The following DTNA variants were observed in gnomAD, a reference collection of about 807,000 sequenced individuals.
The protein encoded by DTNA is dystrophin-related protein 3.
DTNA carries 43 observed loss-of-function variants against 100.7 expected under a neutral mutation model. That is an observed-to-expected ratio of 0.43 (90% CI 0.33 to 0.55). The LOEUF is 0.55. Among genes scored for constraint, DTNA ranks in the 20% least tolerant of loss-of-function variants. The pLI, the probability that DTNA is intolerant of heterozygous loss-of-function variation, is 0.04. For synonymous variants in DTNA, 349 were observed against 347.9 expected (o/e 1.00, Z -0.04); for missense variants, 798 against 953.9 (o/e 0.84, Z 2.15).
upstream of DTNA, among the ~76,000 whole-genome samples, chr18:34,707,739 A>G (rs770388619): frequency 4.6e-5 from 7 of 152,286 alleles, no homozygotes; most frequent in Non-Finnish European, 8.8e-5. Context: ...AATAGGTATG[A>G]ATTATTCAAA....
intron 14 of DTNA, among the ~76,000 whole-genome samples, chr18:34,850,077 C>T (rs185389004): frequency 6.6e-6 from 1 of 152,340 alleles, no homozygotes; most frequent in East Asian, 1.9e-4. Context: ...ACCGTCCACA[C>T]ATTAATTCTA....
intron 3 of DTNA, among the ~76,000 whole-genome samples, chr18:34,773,138 G>A (rs555402028): frequency 4.9e-4 from 74 of 152,138 alleles, no homozygotes; most frequent in Non-Finnish European, 9.3e-4. Context: ...TGACTCACGT[G>A]TTTATATCAG....
At chr18:34,610,523 A>G (rs2054017828) in intron 1 of DTNA, among the ~76,000 whole-genome samples, 2 of 152,194 alleles carry the variant, frequency 1.3e-5, no homozygotes, top group African/African-American at 4.8e-5. Flanking sequence ...TTTTGTGCCA[A>G]TAGCATGTAC....
intron 2 of DTNA, among the ~76,000 whole-genome samples, chr18:34,758,309 A>T (rs8092016): frequency 0.033 from 4,971 of 152,230 alleles, 273 homozygotes; most frequent in African/African-American, 0.11. Flanking sequence ...ATATTTAAAG[A>T]AAAAACAACA....
Position 34,794,431 on chromosome 18 carries a change from G to C in DTNA, c.362+181G>C, listed in dbSNP as rs529741359. On this transcript the variant is annotated intron_variant, in intron 4 of 22. Coordinates refer to ENST00000444659, the MANE Select transcript of DTNA (RefSeq NM_001386795.1). Reference sequence around the variant, plus strand: ...GTTTAATATAAATTTTAAATCCTGTGAAAAAGACTAGAGAGTAAAATGGTG... The same window carrying C: ...GTTTAATATAAATTTTAAATCCTGTCAAAAAGACTAGAGAGTAAAATGGTG... Among the ~76,000 whole-genome samples, 3 of 151,736 alleles carry C rather than the reference G, an allele frequency of 2.0e-5. No homozygotes were observed. The South Asian group carries it at 6.2e-4, about 32-fold the overall frequency.
At chr18:34,730,476 G>T (rs1048265462) in intron 1 of DTNA, among the ~76,000 whole-genome samples, 2 of 152,150 alleles carry the variant, frequency 1.3e-5, no homozygotes, top group Non-Finnish European at 2.9e-5. Context: ...GTGTTGCATT[G>T]TGGCCCCTTG....
chr18:34,604,309 T>C (rs1466791123), intron 1 of DTNA, among the ~76,000 whole-genome samples: 1 of 152,210 alleles, frequency 6.6e-6, no homozygotes, highest in Non-Finnish European at 1.5e-5. Flanking sequence ...TTGGGAAATA[T>C]AACTTCTTTC....
intron 1 of DTNA, among the ~76,000 whole-genome samples, chr18:34,712,251 G>A (rs772329487): frequency 1.3e-5 from 2 of 151,906 alleles, no homozygotes; most frequent in East Asian, 1.9e-4. Flanking sequence ...TTTCTTTCCC[G>A]CCGGTACTGG....
intron 1 of DTNA, among the ~76,000 whole-genome samples, chr18:34,664,013 T>G (rs889284754): frequency 2.6e-5 from 4 of 152,208 alleles, no homozygotes; most frequent in Admixed American, 2.6e-4. Flanking sequence ...TTCATTGATA[T>G]GTTTCAGATT....
chr18:34,669,093 T>C (rs1482738795), intron 1 of DTNA, among the ~76,000 whole-genome samples: 1 of 152,232 alleles, frequency 6.6e-6, no homozygotes, highest in Non-Finnish European at 1.5e-5. Context: ...GGGCTTGCTT[T>C]ATGTATCTGG....
At chr18:34,800,259 A>G (rs2095157371) in intron 4 of DTNA, among the ~76,000 whole-genome samples, 2 of 152,240 alleles carry the variant, frequency 1.3e-5, no homozygotes, top group African/African-American at 4.8e-5. Context: ...TAGGCTGGGA[A>G]TAAATGATAA....
At chr18:34,596,026 T>C (rs2050530510) in intron 1 of DTNA, among the ~76,000 whole-genome samples, 1 of 152,228 alleles carries the variant, frequency 6.6e-6, no homozygotes, top group Non-Finnish European at 1.5e-5. Context: ...TTGACTTTTC[T>C]ATGAAGCACA....
chr18:34,555,116 G>C (rs1347945703), intron 1 of DTNA, among the ~76,000 whole-genome samples: 2 of 133,770 alleles, frequency 1.5e-5, no homozygotes, highest in Non-Finnish European at 3.2e-5. Context: ...GAGTGTATGT[G>C]TCGAGGAATT....
At chr18:34,647,947 AAAAG>A (rs1568114777) in intron 1 of DTNA, among the ~76,000 whole-genome samples, 1 of 152,166 alleles carries the variant, frequency 6.6e-6, no homozygotes, top group Non-Finnish European at 1.5e-5. Context: ...TAGTTGCTGT[AAAAG>A]AAAGCAGTAG....
intron 1 of DTNA, among the ~76,000 whole-genome samples, chr18:34,550,507 A>C (rs1377882926): frequency 6.6e-6 from 1 of 152,156 alleles, no homozygotes; most frequent in Non-Finnish European, 1.5e-5. Context: ...GTGAATCGAC[A>C]CATTTTTTAA....
At chr18:34,735,424 A>C (rs920067077) in intron 1 of DTNA, among the ~76,000 whole-genome samples, 12 of 152,184 alleles carry the variant, frequency 7.9e-5, no homozygotes, top group Non-Finnish European at 7.3e-5. Context: ...ACCTATACTA[A>C]AAAACTGTTT....
At chr18:34,499,051 CGTTGATACA>C (rs1231381388) in intron 1 of DTNA, among the ~76,000 whole-genome samples, 1 of 152,170 alleles carries the variant, frequency 6.6e-6, no homozygotes, top group Non-Finnish European at 1.5e-5. Flanking sequence ...AGGATGTTGA[CGTTGATACA>C]GTGATGAACA....
At chr18:34,538,404 C>T (rs1271255150) in intron 1 of DTNA, among the ~76,000 whole-genome samples, 1 of 151,984 alleles carries the variant, frequency 6.6e-6, no homozygotes, top group African/African-American at 2.4e-5. Context: ...GAAATTGATC[C>T]TTTATCCTAG....
At chr18:34,499,152 C>G (rs1240156296) in intron 1 of DTNA, among the ~76,000 whole-genome samples, 2 of 152,190 alleles carry the variant, frequency 1.3e-5, no homozygotes, top group African/African-American at 2.4e-5. Context: ...ACCTCCAACC[C>G]CTTAATCCCT....
Sources: allele counts gnomAD v4.1 joint callset (sites outside exome capture counted in the v4.1 genomes callset), GRCh38; gene constraint gnomAD v4.1.1; transcripts MANE v1.5; gene names NCBI Gene and HGNC (gene_info 2026-07-23, HGNC 2026-07-21).